The following MAGI2 variants were observed in gnomAD, a reference collection of about 807,000 sequenced individuals.
MAGI2 encodes membrane-associated guanylate kinase, WW and PDZ domain-containing protein 2.
Under a neutral mutation model 133.3 loss-of-function variants are expected in MAGI2, and 35 were observed. The ratio of observed to expected loss-of-function variants is 0.26; its 90% confidence interval spans 0.20 to 0.35. The LOEUF (loss-of-function observed/expected upper bound fraction) is 0.35, where lower values mean the gene tolerates loss of function less well. Ranked by LOEUF, MAGI2 falls within the 10% of genes least tolerant of loss-of-function variation. MAGI2 has a pLI of 1.00. For synonymous variants in MAGI2, 729 were observed against 710.6 expected, an observed-to-expected ratio of 1.03 and a Z score of -0.41; for missense variants, 1,636 against 1,863.4, an observed-to-expected ratio of 0.88 and a Z score of 2.25.
intron 2 of MAGI2, among the ~76,000 whole-genome samples, chr7:78,675,681 T>C (rs1245621749): frequency 6.6e-6 from 1 of 152,132 alleles, no homozygotes; most frequent in Non-Finnish European, 1.5e-5. Context: ...GATGAGGTAA[T>C]ATAAATGAAA....
intron 1 of MAGI2, among the ~76,000 whole-genome samples, chr7:79,314,403 C>T (rs780560267): frequency 6.6e-6 from 1 of 152,178 alleles, no homozygotes; most frequent in Non-Finnish European, 1.5e-5. Context: ...GCCACCGTGC[C>T]TGGCCTATTT....
intron 1 of MAGI2, among the ~76,000 whole-genome samples, chr7:79,327,957 G>T (rs907633008): frequency 7.9e-5 from 12 of 152,018 alleles, no homozygotes; most frequent in African/African-American, 2.2e-4. Flanking sequence ...TATAAATTAT[G>T]ATTTCAATAA....
rs1808038300 is a variant in MAGI2 at position 78,019,272 on chromosome 7, A to G, written c.*43T>C. ...CGCCGTGAGACGGAACCTAAGAAGA[A>G]CTGCCTGCGCCGGGGCGGGCGGGTT... On this transcript the variant is annotated 3_prime_UTR_variant, in exon 22 of 22. Transcript: ENST00000354212. The G allele has an allele frequency of 1.3e-6, 2 of 1,573,608 alleles. No individual in the cohort carries two copies. The highest frequency in any genetic ancestry group is 1.7e-6 in the Non-Finnish European group (2 of 1,168,724).
intron 10 of MAGI2, among the ~76,000 whole-genome samples, chr7:78,248,808 G>C (rs902870208): frequency 6.6e-6 from 1 of 152,012 alleles, no homozygotes; most frequent in South Asian, 2.1e-4. Context: ...ATATTGGCTT[G>C]GACAATGGTT....
intron 21 of MAGI2, among the ~76,000 whole-genome samples, chr7:78,042,497 G>A (rs930470036): frequency 3.3e-5 from 5 of 152,162 alleles, no homozygotes; most frequent in Non-Finnish European, 7.3e-5. Context: ...TTGTAGTACA[G>A]GGTTTAAGTC....
chr7:78,929,465 A>G (rs1799948395), intron 2 of MAGI2, among the ~76,000 whole-genome samples: 1 of 152,050 alleles, frequency 6.6e-6, no homozygotes, highest in Non-Finnish European at 1.5e-5. Context: ...AGAAGTAAAA[A>G]TCAAGTTCAC....
chr7:79,276,122 G>C (rs1835212978), intron 1 of MAGI2, among the ~76,000 whole-genome samples: 2 of 152,130 alleles, frequency 1.3e-5, no homozygotes, highest in Admixed American at 6.5e-5. Context: ...TGCTGTCATA[G>C]ATTGTGACTC....
At chr7:78,342,589 G>A (rs1261012738) in intron 9 of MAGI2, among the ~76,000 whole-genome samples, 1 of 152,186 alleles carries the variant, frequency 6.6e-6, no homozygotes, top group East Asian at 1.9e-4. Flanking sequence ...ACTGGATAAA[G>A]AAAATGTGGC....
intron 2 of MAGI2, among the ~76,000 whole-genome samples, chr7:78,965,491 G>A (rs1258360461): frequency 6.6e-6 from 1 of 151,904 alleles, no homozygotes; most frequent in African/African-American, 2.4e-5. Flanking sequence ...TATTTTAAGT[G>A]AGGGTATAAT....
At chr7:78,358,514 C>T (rs901071988) in intron 7 of MAGI2, 7 of 155,782 alleles carry the variant, frequency 4.5e-5, no homozygotes, top group South Asian at 1.8e-4. Context: ...CCCGCCATTC[C>T]TGGGCCCCCA....
intron 2 of MAGI2, among the ~76,000 whole-genome samples, chr7:78,921,930 G>C (rs117400572): frequency 2.0e-5 from 3 of 151,938 alleles, no homozygotes; most frequent in Non-Finnish European, 4.4e-5. Context: ...CACTGTGTCC[G>C]GCCCAGATTT....
intron 20 of MAGI2, among the ~76,000 whole-genome samples, chr7:78,083,350 A>T (rs113351655): frequency 1.2e-4 from 8 of 68,634 alleles, no homozygotes; most frequent in African/African-American, 3.7e-4. Flanking sequence ...GAGAGGGAGA[A>T]GGAGATGGTG....
intron 1 of MAGI2, among the ~76,000 whole-genome samples, chr7:79,068,541 G>A (rs1166298968): frequency 6.6e-6 from 1 of 151,566 alleles, no homozygotes; most frequent in African/African-American, 2.4e-5. Flanking sequence ...AAAAACCACC[G>A]CCTGGATTAA....
chr7:79,271,007 G>A (rs1258802379), intron 1 of MAGI2, among the ~76,000 whole-genome samples: 1 of 151,440 alleles, frequency 6.6e-6, no homozygotes, highest in Admixed American at 6.6e-5. Flanking sequence ...TTCCTTTACT[G>A]CTTCCTCTCT....
At chr7:78,967,095 G>A (rs554463991) in intron 2 of MAGI2, among the ~76,000 whole-genome samples, 1 of 151,528 alleles carries the variant, frequency 6.6e-6, no homozygotes, top group Non-Finnish European at 1.5e-5. Context: ...ACAGCATCTT[G>A]CTGGTCTAAC....
chr7:78,060,254 C>CTG (rs1554428190), intron 21 of MAGI2, among the ~76,000 whole-genome samples: 3 of 136,700 alleles, frequency 2.2e-5, no homozygotes, highest in South Asian at 2.6e-4. Context: ...ACCCCCCCCC[C>CTG]TCTTTAGATT....
At chr7:78,235,904 T>C (rs1312469893) in intron 10 of MAGI2, among the ~76,000 whole-genome samples, 2 of 152,108 alleles carry the variant, frequency 1.3e-5, no homozygotes, top group Non-Finnish European at 2.9e-5. Context: ...GGGTAGTTGG[T>C]GGCCAGAAAA....
At chr7:79,191,231 T>C (rs1827626211) in intron 1 of MAGI2, among the ~76,000 whole-genome samples, 1 of 151,576 alleles carries the variant, frequency 6.6e-6, no homozygotes, top group Admixed American at 6.6e-5. Flanking sequence ...TTACTTTTGA[T>C]TTAGGTTGTG....
intron 9 of MAGI2, among the ~76,000 whole-genome samples, chr7:78,318,907 A>G (rs187885382): frequency 1.3e-5 from 2 of 152,328 alleles, no homozygotes; most frequent in East Asian, 3.9e-4. Context: ...GTTACAGACA[A>G]GCAAATGGTG....
Sources: allele counts gnomAD v4.1 joint callset (sites outside exome capture counted in the v4.1 genomes callset), GRCh38; gene constraint gnomAD v4.1.1; transcripts MANE v1.5; gene names NCBI Gene and HGNC (gene_info 2026-07-23, HGNC 2026-07-21).